The following NPHP4 variants were observed in gnomAD, a reference collection of about 807,000 sequenced individuals.
The protein encoded by NPHP4 is nephrocystin 4, also known as nephrocystin-4.
In NPHP4, 151 loss-of-function variants were observed where a neutral mutation model predicts 155.8. That is an observed-to-expected ratio of 0.97 (90% CI 0.85 to 1.11). The LOEUF (loss-of-function observed/expected upper bound fraction) is 1.11. NPHP4 is among the 50% of genes least tolerant of loss of function. NPHP4 has a pLI of 0.00. For synonymous variants in NPHP4, 845 were observed against 816.8 expected, an observed-to-expected ratio of 1.03 and a Z score of -0.59; for missense variants, 1,956 against 1,925.7, an observed-to-expected ratio of 1.02 and a Z score of -0.29.
Position 5,889,457 on chromosome 1 carries a change from C to T in NPHP4, c.2304+1411G>A, listed in dbSNP as rs1382900311. Among the ~76,000 whole-genome samples the T allele has an allele frequency of 6.6e-6, 1 of 152,202 alleles. No homozygotes were observed. ...GTCTATGTCAACAAGCGTAACGGCA[C>T]TTGTTTAAGGGGCTCTTCGTGTAGG... On this transcript the variant is annotated intron_variant, in intron 17 of 29. Coordinates refer to ENST00000378156, the MANE Select transcript of NPHP4 (RefSeq NM_015102.5). This position sits in a 1 kb window ranked among gnomAD's most constrained non-coding sequence, Gnocchi z 4.2.
intron 16 of NPHP4, among the ~76,000 whole-genome samples, chr1:5,894,483 A>G: frequency 6.6e-6 from 1 of 152,116 alleles, no homozygotes; most frequent in East Asian, 1.9e-4. Flanking sequence ...TTTTTAAGAA[A>G]CAAATTTGCA....
rs1167199481 is a variant in NPHP4, at chr1:5,992,380, A to C, written c.-175T>G. On this transcript the variant is annotated 5_prime_UTR_variant, in exon 1 of 30. Transcript: ENST00000378156. ...AAGCCTGAGGACCGAGGACTGGCCG[A>C]GGGGCGCGCCCCGTCCGCTGCCACC... The C allele has an allele frequency of 6.6e-6, 1 of 152,080 alleles. No homozygotes were observed. Among genetic ancestry groups the C allele is most frequent in the African/African-American group, 2.4e-5 (1 of 41,364 alleles). 9.4% of individuals were successfully genotyped at this position (152,080 alleles called of 1,614,324 possible).
At chr1:5,943,402 C>A (rs1646925822) in intron 9 of NPHP4, among the ~76,000 whole-genome samples, 1 of 152,166 alleles carries the variant, frequency 6.6e-6, no homozygotes, top group South Asian at 2.1e-4. Context: ...GCCCAGGTAG[C>A]CTCCTCGTCT....
chr1:5,951,298 A>C (rs1197939605), intron 7 of NPHP4, among the ~76,000 whole-genome samples: 1 of 152,228 alleles, frequency 6.6e-6, no homozygotes, highest in Non-Finnish European at 1.5e-5. Flanking sequence ...TCATCACGAA[A>C]AGGGTGTGAC....
At chr1:5,925,477 T>C (rs1157436387) in intron 11 of NPHP4, among the ~76,000 whole-genome samples, 1 of 152,224 alleles carries the variant, frequency 6.6e-6, no homozygotes, top group Non-Finnish European at 1.5e-5. Flanking sequence ...ATTTATAATC[T>C]AAGGTCCTCC....
rs1335181449 is a variant in NPHP4, at chr1:5,889,470, C to T, written c.2304+1398G>A. 6.6e-6 allele frequency among the ~76,000 whole-genome samples: 1 copy of T among 152,192 alleles called. No individual in the cohort carries two copies. Among genetic ancestry groups the T allele is most frequent in the African/African-American group, 2.4e-5 (1 of 41,446 alleles). ...AGCGTAACGGCACTTGTTTAAGGGGCTCTTCGTGTAGGGGGAGATCAAATG... is the reference window on the plus strand; with the variant it reads ...AGCGTAACGGCACTTGTTTAAGGGGTTCTTCGTGTAGGGGGAGATCAAATG... On this transcript the variant is annotated intron_variant, in intron 17 of 29. Transcript: ENST00000378156. The surrounding 1 kb of genome is among the most constrained non-coding windows in gnomAD (Gnocchi z 4.2).
chr1:5,874,531 C>T lies in NPHP4; in HGVS notation c.3171G>A (p.Glu1057=). The change falls in exon 22 of 30, where the codon GAG becomes GAA. Residue 1057 remains glutamate (E), a synonymous_variant. Coordinates refer to ENST00000378156, the MANE Select transcript of NPHP4 (RefSeq NM_015102.5). ...GGAACTTGAAGGGGACGTGGGCGGT[C>T]TCGTGGGGGCGCAGGTAGAGCTGGG... ...LAPQLYLRPH[E]TAHVPFKFQS... The T allele has an allele frequency of 6.3e-7, 1 of 1,593,908 alleles. No homozygotes were observed. The highest frequency in any genetic ancestry group is 8.5e-7 in the Non-Finnish European group (1 of 1,170,606).
rs756401007 is a variant in NPHP4, at chr1:5,944,682, A to G, written c.1119+2422T>C. Among the ~76,000 whole-genome samples, 1 of 152,210 alleles carries G rather than the reference A, an allele frequency of 6.6e-6. No individual in the cohort carries two copies. Among genetic ancestry groups the G allele is most frequent in the Non-Finnish European group, 1.5e-5 (1 of 68,040 alleles). On this transcript the variant is annotated intron_variant, in intron 9 of 29. Transcript: ENST00000378156. This position sits in a 1 kb window ranked among gnomAD's most constrained non-coding sequence, Gnocchi z 4.3. ...TCGACCAGCACATCGGAAAGTACCA[A>G]TGACTGGCCGGGCGCGGTGGTTCAC... is the stretch of plus-strand genomic sequence containing the variant.
At chr1:5,912,015 G>A (rs1320344279) in intron 11 of NPHP4, among the ~76,000 whole-genome samples, 1 of 152,220 alleles carries the variant, frequency 6.6e-6, no homozygotes, top group African/African-American at 2.4e-5. Flanking sequence ...AGCAGCATGC[G>A]TGTGCACAGG....
intron 18 of NPHP4, among the ~76,000 whole-genome samples, chr1:5,884,309 C>A (rs888865281): frequency 6.6e-6 from 1 of 152,224 alleles, no homozygotes; most frequent in Admixed American, 6.5e-5. Flanking sequence ...AACCCATCAC[C>A]ACCCAGTTCT....
intron 11 of NPHP4, among the ~76,000 whole-genome samples, chr1:5,921,335 C>A (rs1430097369): frequency 6.6e-6 from 1 of 152,210 alleles, no homozygotes. Context: ...ACACATGAAC[C>A]GGTTGTTCTC....
In NPHP4 at chr1:5,944,224, T is replaced by C. The variant is rs1016045778; in HGVS notation, c.1119+2880A>G. On this transcript the variant is annotated intron_variant, in intron 9 of 29. Transcript: ENST00000378156. This position sits in a 1 kb window ranked among gnomAD's most constrained non-coding sequence, Gnocchi z 4.3. ...CCAGCCAGCCTGTTTTCAGCTGTGC[T>C]TACAGCTTCCACCACGCAGGGTCCT... Among the ~76,000 whole-genome samples the C allele has an allele frequency of 2.6e-5, 4 of 152,218 alleles. No individual in the cohort carries two copies. The highest frequency in any genetic ancestry group is 9.7e-5 in the African/African-American group (4 of 41,450).
chr1:5,870,552 T>C lies in NPHP4; in HGVS notation c.3316-2656A>G, dbSNP rs1216209627. On this transcript the variant is annotated intron_variant, in intron 23 of 29. Coordinates refer to ENST00000378156, the MANE Select transcript of NPHP4 (RefSeq NM_015102.5). ...TAGTGCGTCAAAGTCTGATGAAGAA[T>C]AGGGTATTTGAACGGCCTCAGTATC... Among the ~76,000 whole-genome samples the C allele has an allele frequency of 3.3e-5, 5 of 152,282 alleles. No individual in the cohort carries two copies. The East Asian group carries it at 5.8e-4, about 18-fold the overall frequency.
chr1:5,977,798 T>G (rs1339513114), intron 3 of NPHP4, among the ~76,000 whole-genome samples: 1 of 99,818 alleles, frequency 1.0e-5, no homozygotes, highest in African/African-American at 4.0e-5. Context: ...ACCTGCTACC[T>G]GGGCAAGTCA....
intron 9 of NPHP4, among the ~76,000 whole-genome samples, chr1:5,934,158 AG>A (rs1385982258): frequency 6.6e-6 from 1 of 152,224 alleles, no homozygotes; most frequent in Non-Finnish European, 1.5e-5. Flanking sequence ...AGAGGACTCC[AG>A]AGGTGATCAG....
At chr1:5,923,508 C>T (rs975793291) in intron 11 of NPHP4, among the ~76,000 whole-genome samples, 4 of 152,126 alleles carry the variant, frequency 2.6e-5, no homozygotes, top group African/African-American at 4.8e-5. Flanking sequence ...CAGTAGAGCG[C>T]GGATCAGGAA....
intron 1 of NPHP4, 149 bp downstream of exon 1, chr1:5,992,095 C>G (rs1656466090): frequency 6.6e-6 from 1 of 152,452 alleles, no homozygotes; most frequent in African/African-American, 2.4e-5. Flanking sequence ...ACCCCAGGCA[C>G]CGGGCCCCCA....
intron 2 of NPHP4, among the ~76,000 whole-genome samples, chr1:5,983,857 G>A (rs1321399313): frequency 2.0e-5 from 3 of 152,134 alleles, no homozygotes; most frequent in Non-Finnish European, 4.4e-5. Context: ...AGCTTTCTTT[G>A]CTTAGTATGT....
At chr1:5,914,869 C>T (rs1437218550) in intron 11 of NPHP4, among the ~76,000 whole-genome samples, 1 of 152,186 alleles carries the variant, frequency 6.6e-6, no homozygotes, top group African/African-American at 2.4e-5. Context: ...GCGGTCCCCA[C>T]AGCACCAGTC....
Sources: allele counts gnomAD v4.1 joint callset (sites outside exome capture counted in the v4.1 genomes callset), GRCh38; gene constraint gnomAD v4.1.1; non-coding constraint Gnocchi (gnomAD v3.1); transcripts MANE v1.5; gene names NCBI Gene and HGNC (gene_info 2026-07-23, HGNC 2026-07-21).